The following BICRA variants were observed in gnomAD, a reference collection of about 807,000 sequenced individuals.
BICRA encodes the protein BRD4-interacting chromatin-remodeling complex-associated protein.
A neutral mutation model predicts 96.9 loss-of-function variants in BICRA; 31 were observed. The observed-to-expected ratio is 0.32, with a 90% CI of 0.24 to 0.43. The LOEUF (loss-of-function observed/expected upper bound fraction) is 0.43. Among genes scored for constraint, BICRA ranks in the 20% least tolerant of loss-of-function variants. BICRA has a pLI of 1.00. For synonymous variants in BICRA, 1,350 were observed against 1,071.8 expected, an observed-to-expected ratio of 1.26 and a Z score of -5.07; for missense variants, 2,283 against 2,190.3, an observed-to-expected ratio of 1.04 and a Z score of -0.84.
intron 5 of BICRA, among the ~76,000 whole-genome samples, chr19:47,678,768 G>C (rs186110206): frequency 6.3e-4 from 95 of 151,900 alleles, no homozygotes; most frequent in Non-Finnish European, 9.0e-4. Flanking sequence ...GATGGGTACA[G>C]ATGAAGAAAC....
chr19:47,682,415 T>G (rs749369804), intron 7 of BICRA, among the ~76,000 whole-genome samples: 8 of 152,140 alleles, frequency 5.3e-5, no homozygotes, highest in Non-Finnish European at 8.8e-5. Flanking sequence ...AATTTTCAAA[T>G]CTGAATAAGT....
chr19:47,613,201 G>A (rs1971934853), intron 1 of BICRA, among the ~76,000 whole-genome samples: 1 of 152,050 alleles, frequency 6.6e-6, no homozygotes, highest in African/African-American at 2.4e-5. Context: ...CTATGAAGGG[G>A]GAGTTCCTGG....
Position 47,622,928 on chromosome 19 carries a change from C to G in BICRA, c.-108+13760C>G, listed in dbSNP as rs372001985. ...TGGCAGGCACCTGTAATCCTAGCTA[C>G]TCAGGAGGCTGAGGCAGAGAATTGT... On this transcript the variant is annotated intron_variant, in intron 1 of 14. Transcript: ENST00000594866. Among the ~76,000 whole-genome samples the G allele has an allele frequency of 4.5e-4, 68 of 149,682 alleles. No individual in the cohort carries two copies. In the East Asian group the frequency reaches 0.011, roughly 25 times the overall value.
At chr19:47,608,385 C>G (rs549527175), upstream of BICRA, 1 of 152,518 alleles carries the variant, frequency 6.6e-6, no homozygotes, top group Non-Finnish European at 1.5e-5. Context: ...GCGGTCCCAC[C>G]TCCGGGGGGA....
intron 1 of BICRA, among the ~76,000 whole-genome samples, chr19:47,613,238 G>C (rs1025096696): frequency 2.0e-5 from 3 of 152,114 alleles, no homozygotes. Flanking sequence ...CCAGGTTCCC[G>C]TGGGCCACCT....
intron 1 of BICRA, among the ~76,000 whole-genome samples, chr19:47,634,536 G>A (rs1972269821): frequency 6.6e-6 from 1 of 152,126 alleles, no homozygotes; most frequent in Admixed American, 6.6e-5. Flanking sequence ...AAACTCACTA[G>A]GTTGTCGAGA....
intron 7 of BICRA, among the ~76,000 whole-genome samples, chr19:47,688,407 C>T (rs892902930): frequency 1.3e-5 from 2 of 152,108 alleles, no homozygotes; most frequent in East Asian, 1.9e-4. Context: ...TAATTTTGTG[C>T]TCATTTAGAG....
chr19:47,694,540 A>T lies in BICRA; in HGVS notation c.2709A>T (p.Pro903=), dbSNP rs1008455667. 7.2e-7 allele frequency: 1 copy of T among 1,393,270 alleles called. No individual in the cohort carries two copies. The highest frequency in any genetic ancestry group is 1.7e-5 in the African/African-American group (1 of 58,866). 86.3% of individuals were successfully genotyped at this position (1,393,270 alleles called of 1,614,324 possible). A position where few individuals can be genotyped will look rare whatever the true frequency, so the allele number is the denominator to read the frequency against. The change falls in exon 8 of 15, where the codon CCA becomes CCT. Residue 903 remains proline (P), a synonymous_variant. Transcript: ENST00000594866. Reference sequence around the variant, plus strand: ...CCTCCAGGTTGCCAGCCCCTACGCCATCCGACTTCCAGCTCCAGTTCCCAC... The same window carrying T: ...CCTCCAGGTTGCCAGCCCCTACGCCTTCCGACTTCCAGCTCCAGTTCCCAC... ...ETSSRLPAPT[P]SDFQLQFPPS... is the part of the protein sequence containing the mutation.
intron 1 of BICRA, among the ~76,000 whole-genome samples, chr19:47,637,059 T>G (rs1346309933): frequency 6.6e-6 from 1 of 152,230 alleles, no homozygotes; most frequent in African/African-American, 2.4e-5. Flanking sequence ...TCACTGCTTA[T>G]TCTTCATAGC....
At chr19:47,681,370 TG>T (rs1973056018) in intron 6 of BICRA, 94 bp downstream of exon 6, 2 of 1,136,764 alleles carry the variant, frequency 1.8e-6, no homozygotes, top group Non-Finnish European at 2.5e-6. Context: ...CAAAAGTGGA[TG>T]CCACTGTGGC....
At position 47,643,101 on chromosome 19, in the gene BICRA, C is replaced by G. The variant is rs560176093; in HGVS notation, c.-107-27342C>G. 7.9e-5 allele frequency among the ~76,000 whole-genome samples: 12 copies of G among 152,354 alleles called. No individual in the cohort carries two copies. In the East Asian group the frequency reaches 2.3e-3, roughly 29 times the overall value. ...TCTCCTGCCTCAGCCTTCTGAGTAG[C>G]TGAGATTACAGGCGCCCTCCACCAT... On this transcript the variant is annotated intron_variant, in intron 1 of 14. Transcript: ENST00000594866.
At chr19:47,646,211 G>A (rs1029641908) in intron 1 of BICRA, among the ~76,000 whole-genome samples, 3 of 152,320 alleles carry the variant, frequency 2.0e-5, no homozygotes, top group Non-Finnish European at 4.4e-5. Context: ...TCCAGCATGC[G>A]GAATGCTCTG....
intron 1 of BICRA, among the ~76,000 whole-genome samples, chr19:47,634,063 C>A (rs995567401): frequency 6.6e-6 from 1 of 152,248 alleles, no homozygotes; most frequent in Non-Finnish European, 1.5e-5. Flanking sequence ...ACATCCCAGG[C>A]TGCATACTGC....
chr19:47,702,030 C>T lies in BICRA; in HGVS notation c.4298C>T (p.Ala1433Val), dbSNP rs1449389931. The T allele has an allele frequency of 1.3e-5, 19 of 1,490,002 alleles. No individual in the cohort carries two copies. The highest frequency in any genetic ancestry group is 2.9e-5 in the African/African-American group (2 of 68,222). 92.3% of individuals were successfully genotyped at this position (1,490,002 alleles called of 1,614,324 possible). A position where few individuals can be genotyped will look rare whatever the true frequency, so the allele number is the denominator to read the frequency against. The change falls in exon 15 of 15, where the codon GCG (alanine) becomes GTG (valine). Residue 1433 changes from alanine to valine, a missense_variant. Coordinates refer to ENST00000594866, the MANE Select transcript of BICRA (RefSeq NM_001394372.1). Reference sequence around the variant, plus strand: ...ACCAGCGGGCTCATCCGCGAGCTGGCGGCCGTGGAGGACGAGCTGTACCAG... The same window carrying T: ...ACCAGCGGGCTCATCCGCGAGCTGGTGGCCGTGGAGGACGAGCTGTACCAG... Reference protein sequence around the residue: ...EATSGLIRELAAVEDELYQRM... With the variant: ...EATSGLIRELVAVEDELYQRM...
Position 47,680,880 on chromosome 19 carries a change from C to T in BICRA, c.1710C>T (p.Ser570=), listed in dbSNP as rs371077993. ...CGGCGGGCAGCCTGCCCACGCAGAG[C>T]CAGCCAGCGCCCGCCGGGCCGGCCG... ...SLAAGSLPTQ[S]QPAPAGPAAT... is the part of the protein sequence containing the mutation. The change falls in exon 6 of 15, where the codon AGC becomes AGT. Residue 570 remains serine (S), a synonymous_variant. Coordinates refer to ENST00000594866, the MANE Select transcript of BICRA (RefSeq NM_001394372.1). 133 of 1,476,342 alleles carry T rather than the reference C, an allele frequency of 9.0e-5. No homozygotes were observed. The highest frequency in any genetic ancestry group is 1.1e-4 in the Non-Finnish European group (128 of 1,124,178). 91.5% of individuals were successfully genotyped at this position (1,476,342 alleles called of 1,614,324 possible). A position where few individuals can be genotyped will look rare whatever the true frequency, so the allele number is the denominator to read the frequency against.
At chr19:47,610,782 C>T (rs1346946370) in intron 1 of BICRA, among the ~76,000 whole-genome samples, 2 of 152,068 alleles carry the variant, frequency 1.3e-5, no homozygotes, top group African/African-American at 4.8e-5. Context: ...TCTCCCAGCA[C>T]CTGGGGTGGG....
chr19:47,680,481 G>A lies in BICRA; in HGVS notation c.1311G>A (p.Pro437=), dbSNP rs770320821. 23 of 1,541,536 alleles carry A rather than the reference G, an allele frequency of 1.5e-5. No individual in the cohort carries two copies. The South Asian group carries it at 2.1e-4, about 14-fold the overall frequency. ...PPATTTGAAP[P]QPPGALSKPM... is the part of the protein sequence containing the mutation. ...CCACCACCACCGGAGCGGCCCCGCC[G>A]CAGCCCCCCGGGGCCCTGAGCAAAC... The change falls in exon 6 of 15, where the codon CCG becomes CCA. Residue 437 remains proline (P), a synonymous_variant. Coordinates refer to ENST00000594866, the MANE Select transcript of BICRA (RefSeq NM_001394372.1).
At chr19:47,661,096 G>C (rs2081180) in intron 1 of BICRA, among the ~76,000 whole-genome samples, 109,825 of 151,354 alleles carry the variant, frequency 0.73, 40,305 homozygotes, top group African/African-American at 0.83. Context: ...CGCCTGTAGT[G>C]CCAGCTACTC....
At position 47,682,020 on chromosome 19, in the gene BICRA, C is replaced by G; in HGVS notation, c.2151C>G (p.Ser717=). The G allele has an allele frequency of 6.4e-7, 1 of 1,571,752 alleles. No homozygotes were observed. Among genetic ancestry groups the G allele is most frequent in the Non-Finnish European group, 8.6e-7 (1 of 1,162,510 alleles). Residue 717 remains serine, a synonymous_variant, in exon 7 of 15, where the codon TCC becomes TCG. Coordinates refer to ENST00000594866, the MANE Select transcript of BICRA (RefSeq NM_001394372.1). The part of the protein sequence containing the change: ...QPLSAEGPHL[S]VPASVIVSAP... ...TCTCCGCAGAGGGCCCCCACCTCTC[C>G]GTGCCTGCCTCGGTCATAGTCAGCG... is the stretch of plus-strand genomic sequence containing the variant.
Sources: allele counts gnomAD v4.1 joint callset (sites outside exome capture counted in the v4.1 genomes callset), GRCh38; gene constraint gnomAD v4.1.1; transcripts MANE v1.5; gene names NCBI Gene and HGNC (gene_info 2026-07-23, HGNC 2026-07-21).